The following FSTL4 variants were observed in gnomAD, a reference collection of about 807,000 sequenced individuals.
The protein encoded by FSTL4 is follistatin-related protein 4.
FSTL4 carries 28 observed loss-of-function variants against 78.2 expected under a neutral mutation model. The ratio of observed to expected loss-of-function variants is 0.36; its 90% confidence interval spans 0.27 to 0.49. The LOEUF (loss-of-function observed/expected upper bound fraction) is 0.49. FSTL4 is among the 20% of genes least tolerant of loss of function. The pLI is 0.98. For missense variants in FSTL4, 922 were observed against 1,084.9 expected (o/e 0.85, Z 2.11); for synonymous variants, 422 against 440.5 (o/e 0.96, Z 0.53).
At chr5:133,810,854 C>T in the FSTL4 span, among the ~76,000 whole-genome samples, 2 of 152,228 alleles carry the variant, frequency 1.3e-5, no homozygotes, top group Admixed American at 1.3e-4. Flanking sequence ...TTTGAACACA[C>T]CTAGTCCCAG....
chr5:133,358,591 C>CT (rs1173835923), intron 4 of FSTL4, among the ~76,000 whole-genome samples: 13,827 of 115,364 alleles, frequency 0.12, 1,142 homozygotes, highest in African/African-American at 0.2. Flanking sequence ...GGTTCTATTT[C>CT]TTTTTTTTTT....
intron 6 of FSTL4, among the ~76,000 whole-genome samples, chr5:133,255,019 G>T (rs1373698675): frequency 6.6e-6 from 1 of 152,214 alleles, no homozygotes; most frequent in African/African-American, 2.4e-5. Context: ...GGCAACGAGT[G>T]GTCCTTCTGG....
intron 3 of FSTL4, among the ~76,000 whole-genome samples, chr5:133,491,070 A>G (rs966113012): frequency 6.6e-6 from 1 of 152,234 alleles, no homozygotes; most frequent in African/African-American, 2.4e-5. Flanking sequence ...GTTTACCCAC[A>G]TAACAAACCT....
At chr5:133,818,423 G>A in the FSTL4 span, among the ~76,000 whole-genome samples, 1 of 152,154 alleles carries the variant, frequency 6.6e-6, no homozygotes, top group East Asian at 1.9e-4. Context: ...CTAGCTCTGT[G>A]TGCTGCCTCC....
intron 4 of FSTL4, among the ~76,000 whole-genome samples, chr5:133,337,174 G>A (rs1287331582): frequency 6.6e-6 from 1 of 152,238 alleles, no homozygotes; most frequent in African/African-American, 2.4e-5. Flanking sequence ...GCATGGGGCT[G>A]TGGTGGGCAA....
At chr5:133,620,578 C>A in the FSTL4 span, among the ~76,000 whole-genome samples, 1 of 152,112 alleles carries the variant, frequency 6.6e-6, no homozygotes, top group African/African-American at 2.4e-5. Flanking sequence ...TTAAACACAG[C>A]CTATTATGGG....
intron 4 of FSTL4, among the ~76,000 whole-genome samples, chr5:133,383,206 C>T (rs1755617283): frequency 6.6e-6 from 1 of 152,194 alleles, no homozygotes; most frequent in African/African-American, 2.4e-5. Flanking sequence ...CCTGGCCATT[C>T]CAGAGCCCAG....
the FSTL4 span, among the ~76,000 whole-genome samples, chr5:133,790,614 C>G: frequency 6.6e-6 from 1 of 152,286 alleles, no homozygotes; most frequent in East Asian, 1.9e-4. Context: ...GCTGCCCCCT[C>G]AACATCTCCA....
chr5:133,716,332 C>T, the FSTL4 span, among the ~76,000 whole-genome samples: 1 of 151,876 alleles, frequency 6.6e-6, no homozygotes, highest in Non-Finnish European at 1.5e-5. Context: ...TTCTCAAAAC[C>T]ACAGGCCATC....
the FSTL4 span, among the ~76,000 whole-genome samples, chr5:133,754,989 A>G: frequency 6.6e-6 from 1 of 151,970 alleles, no homozygotes; most frequent in African/African-American, 2.4e-5. Context: ...CCTTCCTTCA[A>G]GACCCAGCTC....
chr5:133,419,441 G>A lies in FSTL4; in HGVS notation c.161-18455C>T, dbSNP rs144070756. The stretch of plus-strand genomic sequence containing the variant: ...CCAGTTCATTCCTTTTTATTGCTGA[G>A]TAGCATTCTACTATATGGATATACC... On this transcript the variant is annotated intron_variant, in intron 3 of 15. Coordinates refer to ENST00000265342, the MANE Select transcript of FSTL4 (RefSeq NM_015082.2). Among the ~76,000 whole-genome samples, 653 of 152,254 alleles carry A rather than the reference G, an allele frequency of 4.3e-3. 4 individuals carry two copies. Among genetic ancestry groups the A allele is most frequent in the African/African-American group, 0.014 (581 of 41,550 alleles).
At chr5:133,536,439 T>C (rs1190094008) in intron 3 of FSTL4, among the ~76,000 whole-genome samples, 1 of 152,218 alleles carries the variant, frequency 6.6e-6, no homozygotes, top group Non-Finnish European at 1.5e-5. Flanking sequence ...AATATTTGTT[T>C]AGTATGCTAT....
chr5:133,352,829 C>T (rs1047931893), intron 4 of FSTL4, among the ~76,000 whole-genome samples: 1 of 151,778 alleles, frequency 6.6e-6, no homozygotes, highest in Admixed American at 6.6e-5. Flanking sequence ...GTATGTACCA[C>T]ATTTTTAAAA....
the FSTL4 span, among the ~76,000 whole-genome samples, chr5:133,709,147 G>A: frequency 1.3e-5 from 2 of 152,176 alleles, no homozygotes; most frequent in Admixed American, 1.3e-4. Flanking sequence ...AGGCAGGAAG[G>A]CCATCTCTTC....
chr5:133,578,991 C>T (rs542693770), intron 2 of FSTL4, among the ~76,000 whole-genome samples: 87 of 152,344 alleles, frequency 5.7e-4, no homozygotes, highest in African/African-American at 2.0e-3. Flanking sequence ...CCAAGACCAT[C>T]ACAACAGTTA....
Position 133,202,056 on chromosome 5 carries a change from T to C in FSTL4, c.1717-14A>G. ...TTCTGTGATCACCTACAACACAGAG[T>C]GGGAATCCTAGTGAGGGCCCATGCA... On this transcript the variant is annotated splice_polypyrimidine_tract_variant and intron_variant, in intron 14 of 15. Coordinates refer to ENST00000265342, the MANE Select transcript of FSTL4 (RefSeq NM_015082.2). The C allele has an allele frequency of 6.4e-7, 1 of 1,557,712 alleles. No individual in the cohort carries two copies. Among genetic ancestry groups the C allele is most frequent in the Non-Finnish European group, 8.8e-7 (1 of 1,138,688 alleles).
the FSTL4 span, among the ~76,000 whole-genome samples, chr5:133,754,830 G>A: frequency 1.3e-5 from 2 of 152,154 alleles, no homozygotes; most frequent in Non-Finnish European, 2.9e-5. Context: ...TACCGTTTAA[G>A]ACAGACATTC....
the FSTL4 span, among the ~76,000 whole-genome samples, chr5:133,765,142 T>A: frequency 5.1e-4 from 77 of 152,252 alleles, no homozygotes; most frequent in African/African-American, 1.8e-3. Flanking sequence ...AGGGAAACTT[T>A]GAAATGTGCA....
At chr5:133,487,196 C>A (rs1441329120) in intron 3 of FSTL4, among the ~76,000 whole-genome samples, 1 of 152,206 alleles carries the variant, frequency 6.6e-6, no homozygotes, top group Non-Finnish European at 1.5e-5. Flanking sequence ...GAAGGCCTGA[C>A]ACAGAGCTCC....
Sources: gnomAD v4.1 joint callset for allele counts (sites outside exome capture counted in the v4.1 genomes callset) on GRCh38, gnomAD v4.1.1 for gene constraint, MANE v1.5 for transcripts, NCBI Gene and HGNC (gene_info 2026-07-23, HGNC 2026-07-21) for gene names.